Variants in FGF12 observed in about 807,000 individuals in gnomAD.
FGF12 encodes fibroblast growth factor 12.
A neutral mutation model predicts 23.6 loss-of-function variants in FGF12; 14 were observed. The observed-to-expected ratio is 0.59, with a 90% CI of 0.39 to 0.93. The LOEUF (loss-of-function observed/expected upper bound fraction) is 0.93. FGF12 is among the 40% of genes least tolerant of loss of function. FGF12 has a pLI of 0.00. For synonymous variants in FGF12, 62 were observed against 77.3 expected, an observed-to-expected ratio of 0.80 and a Z score of 1.04; for missense variants, 175 against 217.8, an observed-to-expected ratio of 0.80 and a Z score of 1.24.
At position 192,360,323 on chromosome 3, in the gene FGF12, G is replaced by GGAA; in HGVS notation, c.124+104_124+105insTTC. ...TAGCTTACTAATAGTTAAATAGTTT[G>GGAA]AAAGGCATAGTTTGGTAAGGCAGCT... On this transcript the variant is annotated intron_variant, in intron 3 of 5. Coordinates refer to ENST00000445105, the MANE Select transcript of FGF12 (RefSeq NM_004113.6). This position sits in a 1 kb window ranked among gnomAD's most constrained non-coding sequence, Gnocchi z 4.3. 1.3e-6 allele frequency: 1 copy of GGAA among 747,010 alleles called. No homozygotes were observed. Among genetic ancestry groups the GGAA allele is most frequent in the Non-Finnish European group, 2.3e-6 (1 of 429,766 alleles). The allele number at this position is 747,010 out of a possible 1,614,324, so 46.3% of individuals were successfully genotyped here. A position where few individuals can be genotyped will look rare whatever the true frequency, so the allele number is the denominator to read the frequency against.
intron 2 of FGF12, among the ~76,000 whole-genome samples, chr3:192,492,258 T>C (rs1160648193): frequency 6.6e-6 from 1 of 152,220 alleles, no homozygotes; most frequent in African/African-American, 2.4e-5. Context: ...AAAAGATTCA[T>C]ATCATTAGTT....
At chr3:192,468,710 C>T (rs937111777) in intron 2 of FGF12, among the ~76,000 whole-genome samples, 9 of 152,114 alleles carry the variant, frequency 5.9e-5, no homozygotes, top group African/African-American at 2.2e-4. Context: ...TGTCTTTTCA[C>T]TTGTAGTTAA....
At chr3:192,163,702 G>A (rs1012613936) in intron 5 of FGF12, among the ~76,000 whole-genome samples, 1 of 152,048 alleles carries the variant, frequency 6.6e-6, no homozygotes, top group Non-Finnish European at 1.5e-5. Context: ...ACTACAGATG[G>A]TTCTGGTACT....
chr3:192,554,805 T>G (rs1711694420), intron 2 of FGF12, among the ~76,000 whole-genome samples: 1 of 150,240 alleles, frequency 6.7e-6, no homozygotes, highest in Non-Finnish European at 1.5e-5. Context: ...AAAAAAAGAA[T>G]TCATGAATAA....
intron 2 of FGF12, among the ~76,000 whole-genome samples, chr3:192,689,810 C>T (rs1187199187): frequency 1.3e-5 from 2 of 151,736 alleles, no homozygotes; most frequent in East Asian, 3.9e-4. Context: ...GTACATGAAG[C>T]TCAAAGGAAT....
intron 4 of FGF12, among the ~76,000 whole-genome samples, chr3:192,333,032 T>A (rs1717205867): frequency 6.6e-6 from 1 of 152,044 alleles, no homozygotes; most frequent in African/African-American, 2.4e-5. Context: ...TAAACTCCAT[T>A]ACAAAAGAAA....
chr3:192,496,820 G>C lies in FGF12; in HGVS notation c.14-136282C>G, dbSNP rs193293832. ...CTGCCACTTTGTTCACTTAATTCCT[G>C]TGTTATCACACTCTCCTGAATTTCC... is the stretch of plus-strand genomic sequence containing the variant. On this transcript the variant is annotated intron_variant, in intron 2 of 5. Transcript: ENST00000445105. Among the ~76,000 whole-genome samples, 10 of 152,226 alleles carry C rather than the reference G, an allele frequency of 6.6e-5. No homozygotes were observed. The East Asian group carries it at 1.7e-3, about 27-fold the overall frequency.
chr3:192,188,848 A>G (rs1442428597), intron 4 of FGF12, among the ~76,000 whole-genome samples: 3 of 152,262 alleles, frequency 2.0e-5, no homozygotes, highest in African/African-American at 4.8e-5. Context: ...CCACCTAGAT[A>G]TGATCCACAA....
In FGF12 at chr3:192,537,950, C is replaced by CTTTTTTTTTTTTTTTTTTTTTT. The variant is rs370317111; in HGVS notation, c.14-177413_14-177412insAAAAAAAAAAAAAAAAAAAAAA. On this transcript the variant is annotated intron_variant, in intron 2 of 5. Coordinates refer to ENST00000445105, the MANE Select transcript of FGF12 (RefSeq NM_004113.6). ...AAGGTCTTAGATTTAAGCCTTTAACCTTTTTTTTTTTTTGAGATGGAGTTT... is the reference window on the plus strand; with the variant it reads ...AAGGTCTTAGATTTAAGCCTTTAACCTTTTTTTTTTTTTTTTTTTTTTTTTTTTTTTTTTTGAGATGGAGTTT... 1.2e-3 allele frequency among the ~76,000 whole-genome samples: 144 copies of CTTTTTTTTTTTTTTTTTTTTTT among 121,350 alleles called. 11 individuals are homozygous for CTTTTTTTTTTTTTTTTTTTTTT. The highest frequency in any genetic ancestry group is 1.2e-3 in the Non-Finnish European group (68 of 56,684). The allele number at this position is 121,350 out of a possible 152,430, so 79.6% of individuals were successfully genotyped here.
intron 2 of FGF12, among the ~76,000 whole-genome samples, chr3:192,421,185 T>A (rs1366269430): frequency 6.6e-6 from 1 of 152,130 alleles, no homozygotes; most frequent in African/African-American, 2.4e-5. Flanking sequence ...CACCAGTAGG[T>A]GAGAAAGTTG....
intron 2 of FGF12, among the ~76,000 whole-genome samples, chr3:192,611,012 T>C (rs1714531365): frequency 6.6e-6 from 1 of 152,064 alleles, no homozygotes; most frequent in African/African-American, 2.4e-5. Flanking sequence ...TGATCTTTAT[T>C]TTCCCCAATT....
chr3:192,590,393 A>G lies in FGF12; in HGVS notation c.13+136788T>C, dbSNP rs187954885. Among the ~76,000 whole-genome samples, 968 of 152,078 alleles carry G rather than the reference A, an allele frequency of 6.4e-3. 18 individuals are homozygous for G. The highest frequency in any genetic ancestry group is 0.022 in the African/African-American group (917 of 41,536). ...AGTTCTCAGGAAATTAAATTCCTACATTTCGAATTCATTTATCCCTATTTT... is the reference window on the plus strand; with the variant it reads ...AGTTCTCAGGAAATTAAATTCCTACGTTTCGAATTCATTTATCCCTATTTT... On this transcript the variant is annotated intron_variant, in intron 2 of 5. Transcript: ENST00000445105.
At chr3:192,655,827 T>C (rs1053491535) in intron 2 of FGF12, among the ~76,000 whole-genome samples, 2 of 152,028 alleles carry the variant, frequency 1.3e-5, no homozygotes, top group African/African-American at 4.8e-5. Flanking sequence ...AAGATGATGA[T>C]GTTTGCAAAC....
At chr3:192,293,996 G>A (rs1030771128) in intron 4 of FGF12, among the ~76,000 whole-genome samples, 1 of 152,008 alleles carries the variant, frequency 6.6e-6, no homozygotes, top group Non-Finnish European at 1.5e-5. Context: ...GAGGCACCTG[G>A]TGGGAGATAA....
At chr3:192,471,693 T>A (rs541984058) in intron 2 of FGF12, among the ~76,000 whole-genome samples, 1 of 152,332 alleles carries the variant, frequency 6.6e-6, no homozygotes, top group East Asian at 1.9e-4. Context: ...TATAAGCTGC[T>A]CTCAAAGTGA....
chr3:192,179,023 T>G (rs1716017556), intron 4 of FGF12, among the ~76,000 whole-genome samples: 1 of 152,192 alleles, frequency 6.6e-6, no homozygotes, highest in Non-Finnish European at 1.5e-5. Context: ...TGGAGAGAAC[T>G]TGAAAATCCT....
chr3:192,434,823 CA>C (rs773631025), intron 2 of FGF12, among the ~76,000 whole-genome samples: 1 of 151,762 alleles, frequency 6.6e-6, no homozygotes, highest in Non-Finnish European at 1.5e-5. Context: ...CCCCTATGAT[CA>C]GGATATTAAA....
chr3:192,710,615 T>C (rs1001215278), intron 2 of FGF12, among the ~76,000 whole-genome samples: 2 of 152,186 alleles, frequency 1.3e-5, no homozygotes, highest in Admixed American at 6.6e-5. Flanking sequence ...TGTCTAGAAG[T>C]GAGCTGAAGG....
At chr3:192,719,315 A>G (rs1718959887) in intron 2 of FGF12, among the ~76,000 whole-genome samples, 1 of 152,178 alleles carries the variant, frequency 6.6e-6, no homozygotes, top group South Asian at 2.1e-4. Context: ...CAATGGTCTC[A>G]TTTTAAAAGA....
Sources: allele counts gnomAD v4.1 joint callset (sites outside exome capture counted in the v4.1 genomes callset), GRCh38; gene constraint gnomAD v4.1.1; non-coding constraint Gnocchi (gnomAD v3.1); transcripts MANE v1.5; gene names NCBI Gene and HGNC (gene_info 2026-07-23, HGNC 2026-07-21).